Variants in CDH13 observed in about 807,000 individuals in gnomAD.
CDH13 encodes the protein cadherin 13.
A neutral mutation model predicts 63.8 loss-of-function variants in CDH13; 24 were observed. The observed-to-expected ratio is 0.38, with a 90% CI of 0.27 to 0.53. The LOEUF (loss-of-function observed/expected upper bound fraction) is 0.53. Among genes scored for constraint, CDH13 ranks in the 20% least tolerant of loss-of-function variants. The probability of loss-of-function intolerance (pLI) is 0.85; values close to 1 mark genes in which losing one functional copy is unlikely to be tolerated. For synonymous variants in CDH13, 503 were observed against 355.3 expected (o/e 1.42, Z -4.67); for missense variants, 1,049 against 903.1 (o/e 1.16, Z -2.07).
chr16:83,675,236 G>C (rs573554829), intron 9 of CDH13, among the ~76,000 whole-genome samples: 1 of 152,172 alleles, frequency 6.6e-6, no homozygotes, highest in Admixed American at 6.5e-5. Flanking sequence ...ACAGCACTCC[G>C]AGGGGATTAG....
At position 83,796,854 on chromosome 16, in the gene CDH13, C is replaced by G. The variant is rs1166206861; in HGVS notation, c.*1824C>G. The stretch of plus-strand genomic sequence containing the variant: ...ATTGCATACTCAAAGATGAGACGGA[C>G]CATTCTCAGTTGATGACCACATTAA... On this transcript the variant is annotated 3_prime_UTR_variant, in exon 14 of 14. Transcript: ENST00000567109. 1 of 152,156 alleles carries G rather than the reference C, an allele frequency of 6.6e-6. No individual in the cohort carries two copies. Among genetic ancestry groups the G allele is most frequent in the East Asian group, 1.9e-4 (1 of 5,196 alleles). The allele number at this position is 152,156 out of a possible 1,614,324, so 9.4% of individuals were successfully genotyped here.
At chr16:83,402,069 A>G (rs1284847397) in intron 6 of CDH13, among the ~76,000 whole-genome samples, 4 of 152,162 alleles carry the variant, frequency 2.6e-5, no homozygotes, top group Non-Finnish European at 4.4e-5. Context: ...ACTTCCTTGT[A>G]GAGTACATAG....
At chr16:83,720,623 C>T (rs1015132593) in intron 10 of CDH13, among the ~76,000 whole-genome samples, 5 of 151,638 alleles carry the variant, frequency 3.3e-5, no homozygotes, top group Admixed American at 6.6e-5. Context: ...AATGAAACAG[C>T]CAATGTATCA....
intron 4 of CDH13, among the ~76,000 whole-genome samples, chr16:83,215,085 T>TTTTTTTTC (rs2039457929): frequency 7.9e-6 from 1 of 126,174 alleles, no homozygotes; most frequent in Non-Finnish European, 1.7e-5. Flanking sequence ...TTTTTTTTTT[T>TTTTTTTTC]TTTTTTTTTG....
intron 5 of CDH13, among the ~76,000 whole-genome samples, chr16:83,269,155 GGAA>G (rs2088718623): frequency 6.6e-6 from 1 of 152,100 alleles, no homozygotes; most frequent in South Asian, 2.1e-4. Flanking sequence ...CCTAGTTTTT[GGAA>G]ATGTGAGGCT....
chr16:83,379,875 T>G (rs1015238455), intron 6 of CDH13, among the ~76,000 whole-genome samples: 28 of 150,166 alleles, frequency 1.9e-4, no homozygotes, highest in African/African-American at 6.2e-4. Flanking sequence ...CTATAAAGAT[T>G]ATATGTGTGT....
At chr16:83,162,109 G>C (rs745531713) in intron 4 of CDH13, among the ~76,000 whole-genome samples, 1 of 152,168 alleles carries the variant, frequency 6.6e-6, no homozygotes, top group Non-Finnish European at 1.5e-5. Flanking sequence ...CTTCTCAGAC[G>C]TGGCATTTAC....
chr16:82,669,136 C>T (rs1052283883), intron 1 of CDH13, among the ~76,000 whole-genome samples: 2 of 152,198 alleles, frequency 1.3e-5, no homozygotes, highest in Admixed American at 1.3e-4. Context: ...ATGAGCAATG[C>T]TGCCCAAGTG....
intron 10 of CDH13, among the ~76,000 whole-genome samples, chr16:83,711,768 G>A (rs1008429412): frequency 2.0e-5 from 3 of 152,158 alleles, no homozygotes; most frequent in African/African-American, 7.2e-5. Context: ...CCACCGCCTT[G>A]GCCTCCCAAA....
chr16:83,700,643 T>G (rs1031043043), intron 10 of CDH13, among the ~76,000 whole-genome samples: 2 of 152,220 alleles, frequency 1.3e-5, no homozygotes, highest in Non-Finnish European at 2.9e-5. Flanking sequence ...ATATTTCCTT[T>G]TTTTACACAT....
chr16:83,541,123 A>C (rs1167002224), intron 7 of CDH13, among the ~76,000 whole-genome samples: 1 of 152,114 alleles, frequency 6.6e-6, no homozygotes, highest in African/African-American at 2.4e-5. Flanking sequence ...CCCAGCTGCC[A>C]CCTCCAGCCT....
At chr16:82,814,790 G>A (rs761129012) in intron 1 of CDH13, among the ~76,000 whole-genome samples, 20 of 152,150 alleles carry the variant, frequency 1.3e-4, no homozygotes, top group Non-Finnish European at 2.8e-4. Flanking sequence ...AGAAGCACAG[G>A]CCACAACCTG....
intron 4 of CDH13, among the ~76,000 whole-genome samples, chr16:83,144,844 G>A (rs1459996274): frequency 1.3e-5 from 2 of 152,194 alleles, no homozygotes; most frequent in East Asian, 3.9e-4. Flanking sequence ...AAGCGTTCAT[G>A]GAAATGGCCT....
Position 82,644,643 on chromosome 16 carries a change from C to G in CDH13, c.45+17506C>G, listed in dbSNP as rs1597204775. On this transcript the variant is annotated intron_variant, in intron 1 of 13. Coordinates refer to ENST00000567109, the MANE Select transcript of CDH13 (RefSeq NM_001257.5). This position sits in a 1 kb window ranked among gnomAD's most constrained non-coding sequence, Gnocchi z 5.7. The stretch of plus-strand genomic sequence containing the variant: ...TAGGTCTCCAGTCTGTAAAAGCAAC[C>G]ACGCTTTGGGCTGGGGCAGAAGTCA... Among the ~76,000 whole-genome samples, 1 of 152,114 alleles carries G rather than the reference C, an allele frequency of 6.6e-6. No individual in the cohort carries two copies. Among genetic ancestry groups the G allele is most frequent in the African/African-American group, 2.4e-5 (1 of 41,418 alleles).
chr16:83,581,765 G>T (rs777301751), intron 7 of CDH13, among the ~76,000 whole-genome samples: 3 of 152,194 alleles, frequency 2.0e-5, no homozygotes, highest in Non-Finnish European at 4.4e-5. Flanking sequence ...GCTGCAATGA[G>T]CCAAAATCAT....
At chr16:83,054,973 G>A (rs553713395) in intron 3 of CDH13, among the ~76,000 whole-genome samples, 1 of 151,914 alleles carries the variant, frequency 6.6e-6, no homozygotes, top group Non-Finnish European at 1.5e-5. Flanking sequence ...TCAAAAGATA[G>A]AAATCATACA....
In CDH13 at chr16:83,005,188, C is replaced by T. The variant is rs955711330; in HGVS notation, c.158-26822C>T. Among the ~76,000 whole-genome samples the T allele has an allele frequency of 3.3e-5, 5 of 152,148 alleles. No individual in the cohort carries two copies. In the East Asian group the frequency reaches 5.8e-4, roughly 18 times the overall value. On this transcript the variant is annotated intron_variant, in intron 2 of 13. Coordinates refer to ENST00000567109, the MANE Select transcript of CDH13 (RefSeq NM_001257.5). ...TTATTACAAGAAGACACAATTTCTG[C>T]CAGGGCTTTAACCGGTGGCTCTACC...
chr16:82,652,955 G>C (rs13333080), intron 1 of CDH13, among the ~76,000 whole-genome samples: 1 of 151,926 alleles, frequency 6.6e-6, no homozygotes, highest in African/African-American at 2.4e-5. Context: ...TCATTGATTC[G>C]TTCATTCATG....
intron 3 of CDH13, among the ~76,000 whole-genome samples, chr16:83,054,968 A>C (rs765783952): frequency 1.3e-5 from 2 of 152,136 alleles, no homozygotes; most frequent in African/African-American, 4.8e-5. Flanking sequence ...AAGTTTCAAA[A>C]GATAGAAATC....
Sources: gnomAD v4.1 joint callset for allele counts (sites outside exome capture counted in the v4.1 genomes callset) on GRCh38, gnomAD v4.1.1 for gene constraint, Gnocchi (gnomAD v3.1) non-coding constraint, MANE v1.5 for transcripts, NCBI Gene and HGNC (gene_info 2026-07-23, HGNC 2026-07-21) for gene names.